PCID2: variants seen among roughly 807,000 people sequenced by gnomAD.
PCID2 encodes PCI domain containing 2, also known as PCI domain-containing protein 2.
A neutral mutation model predicts 61.3 loss-of-function variants in PCID2; 41 were observed. The ratio of observed to expected loss-of-function variants is 0.67; its 90% CI spans 0.52 to 0.87. PCID2 has a LOEUF of 0.87. Among genes scored for constraint, PCID2 ranks in the 40% least tolerant of loss-of-function variants. The pLI is 0.00. For synonymous variants in PCID2, 187 were observed against 177.8 expected (o/e 1.05, Z -0.41); for missense variants, 392 against 493.4 (o/e 0.79, Z 1.95).
chr13:113,196,958 A>C (rs2039059082), intron 4 of PCID2: 1 of 1,184,098 alleles, frequency 8.4e-7, no homozygotes, highest in Admixed American at 1.7e-5. Flanking sequence ...CTTCTTCCTA[A>C]CCAGTGTTCT....
intron 1 of PCID2, among the ~76,000 whole-genome samples, chr13:113,206,561 T>C (rs1025072546): frequency 6.6e-6 from 1 of 152,244 alleles, no homozygotes; most frequent in African/African-American, 2.4e-5. Flanking sequence ...GATGGTTTTA[T>C]TCCCAAAGAG....
At chr13:113,197,334 G>GGACCAC in intron 3 of PCID2, 91 bp from the exon 4 acceptor site, 1 of 870,926 alleles carries the variant, frequency 1.1e-6, no homozygotes, top group Non-Finnish European at 1.9e-6. Flanking sequence ...ACAGGTCCCA[G>GGACCAC]TGGTCCTGGG....
intron 9 of PCID2, chr13:113,183,654 G>A: frequency 2.2e-6 from 1 of 453,670 alleles, no homozygotes; most frequent in Admixed American, 6.4e-5. Context: ...TTGGGACTGT[G>A]TGCTCCACAA....
At chr13:113,183,879 G>A (rs1409208161) in intron 9 of PCID2, 12 of 985,324 alleles carry the variant, frequency 1.2e-5, no homozygotes, top group South Asian at 4.7e-5. Context: ...CACACTGCAC[G>A]AGGCTGTTTA....
chr13:113,192,733 T>C (rs2038717845), intron 6 of PCID2, among the ~76,000 whole-genome samples: 1 of 152,194 alleles, frequency 6.6e-6, no homozygotes, highest in Admixed American at 6.5e-5. Flanking sequence ...AACAGTGGTA[T>C]ATCAGCACTT....
chr13:113,196,722 C>T (rs999239937), intron 4 of PCID2, among the ~76,000 whole-genome samples: 2 of 152,128 alleles, frequency 1.3e-5, no homozygotes, highest in Admixed American at 6.5e-5. Context: ...TGACTCAGGC[C>T]GTAACTAAAG....
intron 6 of PCID2, among the ~76,000 whole-genome samples, chr13:113,193,146 T>A (rs2038747117): frequency 1.3e-5 from 2 of 152,254 alleles, no homozygotes; most frequent in South Asian, 2.1e-4. Context: ...GCAGCCCAAA[T>A]GGACTAAGAC....
rs2038560159 is a variant in PCID2 at position 113,190,916 on chromosome 13, T to C, written c.423A>G (p.Ala141=). The change falls in exon 7 of 14, where the codon GCA becomes GCG. Residue 141 remains alanine, a synonymous_variant. Transcript: ENST00000337344. ...KSKVGDMLEK[A]AELLMSCFRV... is the part of the protein sequence containing the mutation. Reference sequence around the variant, plus strand: ...GGAAACAGCTCATCAGTAACTCTGCTGCTTTTTCCAACATGTCCCCAACTT... The same window carrying C: ...GGAAACAGCTCATCAGTAACTCTGCCGCTTTTTCCAACATGTCCCCAACTT... 1.9e-6 allele frequency: 3 copies of C among 1,613,678 alleles called. No individual in the cohort carries two copies. In the South Asian group the frequency reaches 3.3e-5, roughly 18 times the overall value.
intron 10 of PCID2, 45 bp from the exon 11 acceptor site, chr13:113,180,276 A>C: frequency 1.4e-6 from 2 of 1,415,198 alleles, no homozygotes; most frequent in Non-Finnish European, 2.0e-6. Context: ...ATTTTTGACA[A>C]AATTGTCCTT....
At chr13:113,184,613 A>G in intron 8 of PCID2, 126 bp from the exon 9 acceptor site, 1 of 634,248 alleles carries the variant, frequency 1.6e-6, no homozygotes, top group Non-Finnish European at 2.8e-6. Context: ...AATTATTTAT[A>G]TAATAAAACC....
intron 6 of PCID2, 76 bp downstream of exon 6, chr13:113,194,995 G>A: frequency 9.5e-7 from 1 of 1,049,020 alleles, no homozygotes; most frequent in Non-Finnish European, 1.5e-6. Context: ...CTTCTGGGAA[G>A]AATGACATGA....
At chr13:113,166,965 T>C in the PCID2 span, among the ~76,000 whole-genome samples, 2 of 152,216 alleles carry the variant, frequency 1.3e-5, no homozygotes, top group South Asian at 2.1e-4. Context: ...AGCTGGTGTG[T>C]TTAAGACAGA....
chr13:113,194,144 G>A (rs116921690), intron 6 of PCID2, among the ~76,000 whole-genome samples: 1,902 of 152,242 alleles, frequency 0.012, 17 homozygotes, highest in Middle Eastern at 0.02. Flanking sequence ...CCTCATTACT[G>A]CTAGCCCAGG....
chr13:113,188,941 T>C (rs1459181817), intron 7 of PCID2, among the ~76,000 whole-genome samples: 1 of 152,218 alleles, frequency 6.6e-6, no homozygotes, highest in African/African-American at 2.4e-5. Context: ...GCTACTGCTA[T>C]GGTTTGGATG....
chr13:113,173,810 A>G (rs556904436), downstream of PCID2, among the ~76,000 whole-genome samples: 30 of 152,286 alleles, frequency 2.0e-4, no homozygotes, highest in South Asian at 4.4e-3. Context: ...ATGCCTACTA[A>G]TGATTTTAAA....
chr13:113,204,595 C>G (rs757896947), intron 1 of PCID2, among the ~76,000 whole-genome samples: 1 of 152,148 alleles, frequency 6.6e-6, no homozygotes, highest in East Asian at 1.9e-4. Context: ...CAGTGTCCCA[C>G]GGGTGACCTG....
At chr13:113,205,038 C>A (rs1404233341) in intron 1 of PCID2, among the ~76,000 whole-genome samples, 1 of 152,162 alleles carries the variant, frequency 6.6e-6, no homozygotes, top group African/African-American at 2.4e-5. Flanking sequence ...CCACAGGAGG[C>A]ACCATCTACT....
At chr13:113,165,140 G>C in the PCID2 span, 5 of 1,604,026 alleles carry the variant, frequency 3.1e-6, no homozygotes, top group Non-Finnish European at 4.3e-6. Context: ...CGCTCTCCGC[G>C]TGCTTCAATT....
At chr13:113,208,185 G>A (rs1447990260) in intron 1 of PCID2, 1 of 1,573,178 alleles carries the variant, frequency 6.4e-7, no homozygotes, top group East Asian at 2.3e-5. Context: ...GCCTCCTGGA[G>A]TCCCCGAATT....
Sources: gnomAD v4.1 joint callset for allele counts (sites outside exome capture counted in the v4.1 genomes callset) on GRCh38, gnomAD v4.1.1 for gene constraint, MANE v1.5 for transcripts, NCBI Gene and HGNC (gene_info 2026-07-23, HGNC 2026-07-21) for gene names.